MORC1: variants seen among roughly 807,000 people sequenced by gnomAD.
The protein encoded by MORC1 is MORC family CW-type zinc finger protein 1.
In MORC1, 59 loss-of-function variants were observed where a neutral mutation model predicts 134.9. The ratio of observed to expected loss-of-function variants is 0.44; its 90% confidence interval spans 0.35 to 0.54. MORC1 has a LOEUF of 0.54. Ranked by LOEUF, MORC1 falls within the 20% of genes least tolerant of loss-of-function variation. MORC1 has a pLI of 0.00. For synonymous variants in MORC1, 395 were observed against 391.7 expected (o/e 1.01, Z -0.10); for missense variants, 947 against 1,134.5 (o/e 0.83, Z 2.37).
In MORC1 at chr3:109,115,390, G is replaced by A. The variant is rs542737716; in HGVS notation, c.66-953C>T. Reference sequence around the variant, plus strand: ...AGAGAATATATCCCCACATTTTGGAGTTTCAAACACAGAGGATGATTAAAA... The same window carrying A: ...AGAGAATATATCCCCACATTTTGGAATTTCAAACACAGAGGATGATTAAAA... On this transcript the variant is annotated intron_variant, in intron 1 of 27. Coordinates refer to ENST00000232603, the MANE Select transcript of MORC1 (RefSeq NM_014429.4). Among the ~76,000 whole-genome samples, 11 of 151,764 alleles carry A rather than the reference G, an allele frequency of 7.2e-5. No individual in the cohort carries two copies. The South Asian group carries it at 2.1e-3, about 29-fold the overall frequency.
chr3:109,062,050 T>C lies in MORC1; in HGVS notation c.904A>G (p.Ile302Val), dbSNP rs1950096454. 2 of 1,613,996 alleles carry C rather than the reference T, an allele frequency of 1.2e-6. No homozygotes were observed. The highest frequency in any genetic ancestry group is 1.7e-6 in the Non-Finnish European group (2 of 1,179,924). ...AEEAVKIAES[I>V]LKEAQIKVNQ... ...ACTTTGATTTGTGCTTCTTTCAATATGGATTCAGCTGGAAGTAGAAGCCAA... is the reference window on the plus strand; with the variant it reads ...ACTTTGATTTGTGCTTCTTTCAATACGGATTCAGCTGGAAGTAGAAGCCAA... The change falls in exon 11 of 28, where the codon ATA becomes GTA. Residue 302 changes from isoleucine to valine, a missense_variant. Physicochemically the swap from Ile to Val is conservative, Grantham distance 29. Coordinates refer to ENST00000232603, the MANE Select transcript of MORC1 (RefSeq NM_014429.4).
rs1234614204 is a variant in MORC1 at position 109,000,601 on chromosome 3, C to G, written c.2143G>C (p.Val715Leu). The change falls in exon 21 of 28, where the codon GTA becomes CTA. Residue 715 changes from valine to leucine, a missense_variant. Coordinates refer to ENST00000232603, the MANE Select transcript of MORC1 (RefSeq NM_014429.4). The stretch of plus-strand genomic sequence containing the variant: ...CTCGTGTTCTCATCTTCAGTCAATA[C>G]CTTACATTCCTCTACAAAGTTCAGA... ...QSLNFVEECK[V>L]LTEDENTSDS... is the part of the protein sequence containing the mutation. 6.2e-7 allele frequency: 1 copy of G among 1,611,564 alleles called. No individual in the cohort carries two copies. The highest frequency in any genetic ancestry group is 8.5e-7 in the Non-Finnish European group (1 of 1,179,082).
At chr3:109,028,251 T>C (rs1431016574) in intron 16 of MORC1, among the ~76,000 whole-genome samples, 4 of 151,994 alleles carry the variant, frequency 2.6e-5, no homozygotes, top group Non-Finnish European at 4.4e-5. Context: ...CCAAAAAAGG[T>C]AGCGAAATAT....
At chr3:109,044,670 C>T (rs1949643126) in intron 14 of MORC1, among the ~76,000 whole-genome samples, 2 of 150,768 alleles carry the variant, frequency 1.3e-5, no homozygotes, top group Non-Finnish European at 3.0e-5. Context: ...ATGTGTGGGG[C>T]ATGGTGGCTC....
rs767474103 is a variant in MORC1, at chr3:109,054,763, T to G, written c.1295A>C (p.Gln432Pro). ...GTCCTTACAGTACTGGACCAAGTAC[T>G]GTCCCATGACTTTTAGTAGATGATT... ...EYNHLLKVMG[Q>P]YLVQYCKDTG... is the part of the protein sequence containing the mutation. Residue 432 changes from glutamine to proline, a missense_variant, in exon 14 of 28, where the codon CAG (glutamine) becomes CCG (proline). By Grantham distance (76) the Gln-to-Pro change is moderately conservative (BLOSUM62 -1). Around this residue, in one of 3 missense-constraint regions of MORC1, gnomAD observed 722 missense variants for 817.0 expected, o/e 0.88. Transcript: ENST00000232603. 1 of 1,595,642 alleles carries G rather than the reference T, an allele frequency of 6.3e-7. No individual in the cohort carries two copies. Among genetic ancestry groups the G allele is most frequent in the South Asian group, 1.2e-5 (1 of 86,896 alleles).
chr3:109,020,443 G>T (rs1052131827), intron 17 of MORC1, among the ~76,000 whole-genome samples: 8 of 152,088 alleles, frequency 5.3e-5, no homozygotes, highest in Non-Finnish European at 1.0e-4. Context: ...GAGTGGAGAG[G>T]TTAAATCACA....
At chr3:109,059,665 C>T in intron 12 of MORC1, 141 bp downstream of exon 12, 1 of 584,204 alleles carries the variant, frequency 1.7e-6, no homozygotes, top group Non-Finnish European at 2.9e-6. Context: ...GGGAACTTGA[C>T]TATATTAGGT....
At chr3:109,018,698 A>AT in intron 17 of MORC1, among the ~76,000 whole-genome samples, 1 of 152,286 alleles carries the variant, frequency 6.6e-6, no homozygotes, top group Admixed American at 6.5e-5. Flanking sequence ...GCAAAGGGTG[A>AT]TTCCTTGTGT....
chr3:109,084,412 A>G (rs1309606478), intron 8 of MORC1, among the ~76,000 whole-genome samples: 1 of 152,176 alleles, frequency 6.6e-6, no homozygotes, highest in Non-Finnish European at 1.5e-5. Flanking sequence ...TAATAGCTAC[A>G]AAGAATATAA....
At chr3:109,064,336 C>A (rs565161262) in intron 9 of MORC1, among the ~76,000 whole-genome samples, 1 of 152,026 alleles carries the variant, frequency 6.6e-6, no homozygotes, top group Non-Finnish European at 1.5e-5. Context: ...ATTAATTTTA[C>A]TATTTTTATG....
Position 109,054,859 on chromosome 3 carries a change from A to G in MORC1, c.1199T>C (p.Ile400Thr), listed in dbSNP as rs748835393. Residue 400 changes from isoleucine to threonine, a missense_variant, in exon 14 of 28, where the codon ATT becomes ACT. Around this residue, in one of 3 missense-constraint regions of MORC1, gnomAD observed 722 missense variants for 817.0 expected, o/e 0.88. Coordinates refer to ENST00000232603, the MANE Select transcript of MORC1 (RefSeq NM_014429.4). ...CATGACCTCCAAGGGTATATTAACA[A>G]TTCCAACCACGCCTGCGCCAAGTCT... ...KSLLGAGVVG[I>T]VNIPLEVMEP... 7.5e-6 allele frequency: 12 copies of G among 1,602,458 alleles called. No homozygotes were observed. The highest frequency in any genetic ancestry group is 1.0e-5 in the Non-Finnish European group (12 of 1,177,404).
chr3:108,965,089 A>T (rs1947182441), intron 26 of MORC1, among the ~76,000 whole-genome samples: 1 of 152,202 alleles, frequency 6.6e-6, no homozygotes. Context: ...AACTTAACTC[A>T]GCTGGAATAA....
At chr3:108,959,247 C>T in intron 27 of MORC1, 127 bp from the exon 28 acceptor site, 1 of 711,628 alleles carries the variant, frequency 1.4e-6, no homozygotes, top group Non-Finnish European at 2.2e-6. Flanking sequence ...ACATTTGAAT[C>T]ATGCTTTTAA....
At chr3:108,971,437 C>G (rs763466332) in intron 24 of MORC1, 35 bp from the exon 25 acceptor site, 6 of 1,571,768 alleles carry the variant, frequency 3.8e-6, no homozygotes, top group Non-Finnish European at 4.4e-6. Context: ...TGGGAATATA[C>G]TAGGATAACA....
At position 108,971,311 on chromosome 3, in the gene MORC1, CCA is replaced by C. The variant is rs1491430704; in HGVS notation, c.2550+17_2550+18del. 3 of 1,607,850 alleles carry C rather than the reference CCA, an allele frequency of 1.9e-6. No homozygotes were observed. Among genetic ancestry groups the C allele is most frequent in the Non-Finnish European group, 2.6e-6 (3 of 1,175,320 alleles). ...GCTATTCTATCATTCCCTCACAGTTCCAAAAAAAACCAGCTTACCTCACAACT... is the reference window on the plus strand; with the variant it reads ...GCTATTCTATCATTCCCTCACAGTTCAAAAAAACCAGCTTACCTCACAACT... On this transcript the variant is annotated intron_variant, in intron 25 of 27. Transcript: ENST00000232603.
intron 9 of MORC1, among the ~76,000 whole-genome samples, chr3:109,066,570 G>C (rs1950200558): frequency 6.6e-6 from 1 of 152,218 alleles, no homozygotes; most frequent in Non-Finnish European, 1.5e-5. Flanking sequence ...ACAGGCGTGA[G>C]CCACTGCACC....
intron 16 of MORC1, among the ~76,000 whole-genome samples, chr3:109,030,315 T>C (rs1324208596): frequency 6.6e-6 from 1 of 152,188 alleles, no homozygotes; most frequent in East Asian, 1.9e-4. Context: ...CAATAATGTA[T>C]TTTGAAGCAT....
At chr3:109,108,925 T>C (rs1329063590) in intron 3 of MORC1, among the ~76,000 whole-genome samples, 2 of 150,574 alleles carry the variant, frequency 1.3e-5, no homozygotes, top group African/African-American at 4.9e-5. Flanking sequence ...AAAGACCACA[T>C]GTCTACTTAG....
intron 6 of MORC1, among the ~76,000 whole-genome samples, chr3:109,097,845 ATAAAG>A (rs924769984): frequency 1.2e-4 from 18 of 152,236 alleles, no homozygotes; most frequent in African/African-American, 2.9e-4. Flanking sequence ...ATAAAGTCTT[ATAAAG>A]TAAACACTGA....
Sources: gnomAD v4.1 joint callset for allele counts (sites outside exome capture counted in the v4.1 genomes callset) on GRCh38, gnomAD v4.1.1 for gene constraint, gnomAD v4.1.1 regional missense constraint, MANE v1.5 for transcripts, NCBI Gene and HGNC (gene_info 2026-07-23, HGNC 2026-07-21) for gene names.